Variants in FRMPD3 observed in about 807,000 individuals in gnomAD.
The protein encoded by FRMPD3 is FERM and PDZ domain-containing protein 3.
In FRMPD3, 42 loss-of-function variants were observed where a neutral mutation model predicts 97.9. The ratio of observed to expected loss-of-function variants is 0.43; its 90% confidence interval spans 0.34 to 0.55. The LOEUF (loss-of-function observed/expected upper bound fraction) is 0.55, where lower values mean the gene tolerates loss of function less well. Ranked by LOEUF, FRMPD3 falls within the 20% of genes least tolerant of loss-of-function variation. FRMPD3 has a pLI of 0.03. For missense variants in FRMPD3, 1,303 were observed against 1,457.7 expected (o/e 0.89, Z 1.73); for synonymous variants, 577 against 581.1 (o/e 0.99, Z 0.10).
intron 1 of FRMPD3, among the ~76,000 whole-genome samples, chrX:107,521,227 A>T (rs970842719): frequency 8.9e-6 from 1 of 112,505 alleles, no homozygotes; most frequent in Non-Finnish European, 1.9e-5. Context: ...GATAACATTT[A>T]TGTTTTAACC....
chrX:107,475,113 G>A (rs1254182747), intron 1 of FRMPD3, among the ~76,000 whole-genome samples: 1 of 111,813 alleles, frequency 8.9e-6, no homozygotes, highest in East Asian at 2.8e-4. Flanking sequence ...TTCATAGGGA[G>A]AAAAATTTCC....
intron 1 of FRMPD3, among the ~76,000 whole-genome samples, chrX:107,495,368 C>A (rs1921749253): frequency 8.9e-6 from 1 of 112,112 alleles, no homozygotes; most frequent in Admixed American, 9.4e-5. Flanking sequence ...ACCACTTATT[C>A]TCTGAACTGT....
intron 12 of FRMPD3, among the ~76,000 whole-genome samples, chrX:107,568,930 G>GA (rs1922739231): frequency 1.2e-5 from 1 of 85,832 alleles, no homozygotes; most frequent in Admixed American, 1.3e-4. Context: ...AGAGAGAGAG[G>GA]GAGAGAGAGA....
intron 1 of FRMPD3, among the ~76,000 whole-genome samples, chrX:107,524,951 G>A (rs763597943): frequency 6.4e-4 from 60 of 93,226 alleles, no homozygotes; most frequent in African/African-American, 2.6e-3. Context: ...AGCCGAGATC[G>A]TGCCACTGCA....
At chrX:107,558,231 T>C (rs1322065033) in intron 8 of FRMPD3, among the ~76,000 whole-genome samples, 3 of 111,478 alleles carry the variant, frequency 2.7e-5, no homozygotes, top group Admixed American at 9.6e-5. Context: ...GTCTTTCATA[T>C]GTTTTGTCAG....
chrX:107,565,524 T>A (rs1335871004), intron 12 of FRMPD3, among the ~76,000 whole-genome samples: 18 of 109,778 alleles, frequency 1.6e-4, no homozygotes, highest in African/African-American at 5.7e-4. Context: ...TGAAACCCTG[T>A]CTCTACAAAA....
At chrX:107,479,031 G>GC (rs955171126) in intron 1 of FRMPD3, among the ~76,000 whole-genome samples, 2 of 112,675 alleles carry the variant, frequency 1.8e-5, no homozygotes, top group African/African-American at 3.2e-5. Context: ...TGCTGCTGAA[G>GC]CCCCCCACTT....
intron 1 of FRMPD3, chrX:107,525,725 A>T (rs939741563): frequency 7.0e-5 from 38 of 544,782 alleles, no homozygotes; most frequent in Non-Finnish European, 9.9e-5. Context: ...TTATTTATAT[A>T]TGCTACTTAA....
In FRMPD3 at chrX:107,604,887, T is replaced by C. The variant is rs1361577717; in HGVS notation, c.*1514T>C. 1 of 110,559 alleles carries C rather than the reference T, an allele frequency of 9.0e-6. No homozygotes were observed. Among genetic ancestry groups the C allele is most frequent in the Admixed American group, 9.7e-5 (1 of 10,279 alleles). 9.1% of individuals were successfully genotyped at this position (110,559 alleles called of 1,213,427 possible). A position where few individuals can be genotyped will look rare whatever the true frequency, so the allele number is the denominator to read the frequency against. ...TAAAGTCTCCCTGAGTGGTGAGTTCTCCCGGCAAGGAGGAGGGGAGTTTCT... is the reference window on the plus strand; with the variant it reads ...TAAAGTCTCCCTGAGTGGTGAGTTCCCCCGGCAAGGAGGAGGGGAGTTTCT... On this transcript the variant is annotated 3_prime_UTR_variant, in exon 15 of 15. Transcript: ENST00000683843.
intron 1 of FRMPD3, among the ~76,000 whole-genome samples, chrX:107,479,096 C>T (rs978592136): frequency 7.1e-5 from 8 of 112,584 alleles, no homozygotes; most frequent in Non-Finnish European, 1.1e-4. Flanking sequence ...GAACCTGTTT[C>T]GTGGCCTTTA....
intron 1 of FRMPD3, among the ~76,000 whole-genome samples, chrX:107,491,120 A>G (rs73521098): frequency 0.02 from 2,228 of 111,485 alleles, 51 homozygotes; most frequent in African/African-American, 0.069. Flanking sequence ...TTCAAATTAC[A>G]TCATCTCCTG....
chrX:107,566,413 G>A (rs1263038074), intron 12 of FRMPD3, among the ~76,000 whole-genome samples: 1 of 112,633 alleles, frequency 8.9e-6, no homozygotes, highest in Non-Finnish European at 1.9e-5. Context: ...GCTTGGAGCC[G>A]ATGTTTAATT....
At chrX:107,571,312 C>T (rs1922875136) in intron 12 of FRMPD3, among the ~76,000 whole-genome samples, 1 of 112,310 alleles carries the variant, frequency 8.9e-6, no homozygotes, top group Non-Finnish European at 1.9e-5. Flanking sequence ...GGAACCTGTC[C>T]AACCTTTTTG....
At chrX:107,463,981 T>C (rs1332678560) in intron 1 of FRMPD3, among the ~76,000 whole-genome samples, 3 of 112,048 alleles carry the variant, frequency 2.7e-5, no homozygotes, top group Non-Finnish European at 5.6e-5. Context: ...TAATCTAATC[T>C]TGCCTTTTGG....
At chrX:107,459,047 A>G (rs1241977120) in intron 1 of FRMPD3, among the ~76,000 whole-genome samples, 1 of 112,498 alleles carries the variant, frequency 8.9e-6, no homozygotes, top group African/African-American at 3.2e-5. Flanking sequence ...TGGAGCTAAG[A>G]TAACATTGGG....
Position 107,552,820 on chromosome X carries a change from G to T in FRMPD3, c.536G>T (p.Arg179Leu), listed in dbSNP as rs761482975. 2 of 1,208,096 alleles carry T rather than the reference G, an allele frequency of 1.7e-6. No individual in the cohort carries two copies. Among genetic ancestry groups the T allele is most frequent in the Non-Finnish European group, 2.2e-6 (2 of 894,364 alleles). The change falls in exon 7 of 15, where the codon CGC becomes CTC. Residue 179 changes from arginine (R) to leucine (L), a missense_variant. Transcript: ENST00000683843. The stretch of plus-strand genomic sequence containing the variant: ...GATGTGATGTTGACATTACAGGACC[G>T]CCTTTCCCTGAGGTTCATTGAGCAC... ...VKDVMLTLQD[R>L]LSLRFIEHFA...
Position 107,570,100 on chromosome X carries a change from AAG to A in FRMPD3, c.1296+5044_1296+5045del, listed in dbSNP as rs1407754821. Among the ~76,000 whole-genome samples, 48 of 99,852 alleles carry A rather than the reference AAG, an allele frequency of 4.8e-4. 1 individual carries two copies. Among genetic ancestry groups the A allele is most frequent in the African/African-American group, 1.6e-3 (41 of 24,955 alleles). 86.7% of individuals were successfully genotyped at this position (99,852 alleles called of 115,157 possible). ...AAGGAAGGAAAGAGAGAAAGAAAGAAAGAGAGAGAGAAAAAGAGAGCGAGGAA... is the reference window on the plus strand; with the variant it reads ...AAGGAAGGAAAGAGAGAAAGAAAGAAAGAGAGAGAAAAAGAGAGCGAGGAA... On this transcript the variant is annotated intron_variant, in intron 12 of 14. Transcript: ENST00000683843.
intron 1 of FRMPD3, among the ~76,000 whole-genome samples, chrX:107,526,067 C>T (rs2147548682): frequency 9.1e-6 from 1 of 110,218 alleles, no homozygotes; most frequent in East Asian, 2.8e-4. Context: ...CAGAGTGAGA[C>T]TCTGTCTCAA....
chrX:107,572,677 G>A (rs1922937019), intron 12 of FRMPD3, among the ~76,000 whole-genome samples: 1 of 110,258 alleles, frequency 9.1e-6, no homozygotes, highest in Non-Finnish European at 1.9e-5. Flanking sequence ...GGCAGAGGCT[G>A]CAGTGAGCCG....
Sources: gnomAD v4.1 joint callset for allele counts (sites outside exome capture counted in the v4.1 genomes callset) on GRCh38, gnomAD v4.1.1 for gene constraint, MANE v1.5 for transcripts, NCBI Gene and HGNC (gene_info 2026-07-23, HGNC 2026-07-21) for gene names.